The following RBMS3 variants were observed in gnomAD, a reference collection of about 807,000 sequenced individuals.
RBMS3 encodes the protein RNA-binding motif, single-stranded-interacting protein 3.
In RBMS3, 27 loss-of-function variants were observed where a neutral mutation model predicts 66.8. The ratio of observed to expected loss-of-function variants is 0.40; its 90% CI spans 0.30 to 0.56. RBMS3 has a LOEUF of 0.56. Among genes scored for constraint, RBMS3 ranks in the 20% least tolerant of loss-of-function variants. The pLI, the probability that RBMS3 is intolerant of heterozygous loss-of-function variation, is 0.40. For synonymous variants in RBMS3, 188 were observed against 183.0 expected (o/e 1.03, Z -0.22); for missense variants, 513 against 549.5 (o/e 0.93, Z 0.66).
rs116354415 is a variant in RBMS3, at chr3:29,665,022, A to G, written c.400-74698A>G. ...GGAAGAATAGAAGAACTTATGAAGA[A>G]TAATGTTTAGTGAAAATAACATTCT... On this transcript the variant is annotated intron_variant, in intron 4 of 14. Transcript: ENST00000383767. Among the ~76,000 whole-genome samples, 424 of 152,332 alleles carry G rather than the reference A, an allele frequency of 2.8e-3. 3 individuals carry two copies. The highest frequency in any genetic ancestry group is 1.0e-2 in the African/African-American group (414 of 41,586).
intron 1 of RBMS3, among the ~76,000 whole-genome samples, chr3:29,327,492 T>G (rs904127230): frequency 2.6e-5 from 4 of 152,206 alleles, no homozygotes; most frequent in Admixed American, 2.0e-4. Context: ...TCTCCCTTCC[T>G]CCTTTTCCTC....
At chr3:29,874,564 G>A (rs1559758831) in intron 7 of RBMS3, among the ~76,000 whole-genome samples, 1 of 152,124 alleles carries the variant, frequency 6.6e-6, no homozygotes, top group Non-Finnish European at 1.5e-5. Flanking sequence ...AACTGAAGGA[G>A]ATTATTTACA....
chr3:29,747,407 TAGATA>T (rs1327032940), intron 5 of RBMS3, among the ~76,000 whole-genome samples: 1 of 121,220 alleles, frequency 8.2e-6, no homozygotes, highest in Non-Finnish European at 1.8e-5. Context: ...GATAGATAGA[TAGATA>T]GATAGATAGA....
intron 14 of RBMS3, among the ~76,000 whole-genome samples, chr3:30,001,668 T>C (rs555162403): frequency 6.6e-6 from 1 of 152,020 alleles, no homozygotes; most frequent in Non-Finnish European, 1.5e-5. Context: ...CTATGTATTA[T>C]AATATATTGT....
In RBMS3 at chr3:29,281,696, G is replaced by C. The variant is rs1167417814; in HGVS notation, c.15G>C (p.Leu5=). 1 of 1,613,408 alleles carries C rather than the reference G, an allele frequency of 6.2e-7. No individual in the cohort carries two copies. The highest frequency in any genetic ancestry group is 1.3e-5 in the African/African-American group (1 of 74,960). ...ATTCCAGCTACATGGGCAAACGCCT[G>C]GATCAGCCACAAATGTACCCCCAGT... MGKR[L]DQPQMYPQYT... is the part of the protein sequence containing the mutation. The change falls in exon 1 of 15, where the codon CTG becomes CTC. Residue 5 remains leucine, a synonymous_variant. Transcript: ENST00000383767.
In RBMS3 at chr3:29,623,181, G is replaced by T. The variant is rs543443777; in HGVS notation, c.399+35976G>T. Among the ~76,000 whole-genome samples the T allele has an allele frequency of 7.7e-4, 97 of 125,550 alleles. 1 individual carries two copies. The South Asian group carries it at 9.6e-3, about 12-fold the overall frequency. 82.4% of individuals were successfully genotyped at this position (125,550 alleles called of 152,430 possible). ...GGGATTAAATTAACTTGGGGGGGGG[G>T]GTCTAAATTATTATTAATAGCGTAT... is the stretch of plus-strand genomic sequence containing the variant. On this transcript the variant is annotated intron_variant, in intron 4 of 14. Transcript: ENST00000383767.
intron 12 of RBMS3, among the ~76,000 whole-genome samples, chr3:29,953,414 T>C (rs553108904): frequency 2.6e-5 from 4 of 152,050 alleles, no homozygotes; most frequent in African/African-American, 7.2e-5. Flanking sequence ...TCTTCGAAAA[T>C]TGTTTAGTTG....
At chr3:29,388,690 C>T (rs957667116) in intron 1 of RBMS3, among the ~76,000 whole-genome samples, 12 of 152,112 alleles carry the variant, frequency 7.9e-5, no homozygotes, top group Admixed American at 5.9e-4. Context: ...CTCAGCCTCC[C>T]GAGTAGCTGG....
chr3:29,555,821 G>C (rs1414000508), intron 3 of RBMS3, among the ~76,000 whole-genome samples: 6 of 152,048 alleles, frequency 3.9e-5, no homozygotes, highest in Non-Finnish European at 1.5e-5. Context: ...TATCACTTAG[G>C]TTTCATAATC....
chr3:29,506,091 C>T (rs1321028655), intron 3 of RBMS3, among the ~76,000 whole-genome samples: 2 of 151,676 alleles, frequency 1.3e-5, no homozygotes, highest in African/African-American at 2.4e-5. Flanking sequence ...TAATTGTTCT[C>T]GCTAGGGGAC....
chr3:29,532,790 T>C (rs987060085), intron 3 of RBMS3, among the ~76,000 whole-genome samples: 2 of 152,072 alleles, frequency 1.3e-5, no homozygotes, highest in Non-Finnish European at 2.9e-5. Flanking sequence ...AAATCATTAG[T>C]GCAAAGCAAC....
intron 4 of RBMS3, among the ~76,000 whole-genome samples, chr3:29,632,844 C>A (rs2049335581): frequency 6.6e-6 from 1 of 151,862 alleles, no homozygotes; most frequent in African/African-American, 2.4e-5. Flanking sequence ...CCCTGCAGAT[C>A]CTTCCTCTGC....
At position 29,281,423 on chromosome 3, in the gene RBMS3, G is replaced by C; in HGVS notation, c.-259G>C. On this transcript the variant is annotated 5_prime_UTR_variant, in exon 1 of 15. Transcript: ENST00000383767. ...CCGGCAGCTGGGGGAAGCCAGGCAA[G>C]ATCTGGGAAGGCTGTGTGTGGGTGT... 1 of 508,100 alleles carries C rather than the reference G, an allele frequency of 2.0e-6. No homozygotes were observed. Among genetic ancestry groups the C allele is most frequent in the South Asian group, 2.7e-5 (1 of 36,632 alleles). 31.5% of individuals were successfully genotyped at this position (508,100 alleles called of 1,614,324 possible). A position where few individuals can be genotyped will look rare whatever the true frequency, so the allele number is the denominator to read the frequency against.
At chr3:29,577,148 C>A (rs2047148404) in intron 3 of RBMS3, among the ~76,000 whole-genome samples, 2 of 152,180 alleles carry the variant, frequency 1.3e-5, no homozygotes, top group African/African-American at 4.8e-5. Flanking sequence ...TAGGTCCTTC[C>A]CTTCAATGCA....
intron 1 of RBMS3, among the ~76,000 whole-genome samples, chr3:29,296,171 T>C (rs2125436174): frequency 6.6e-6 from 1 of 151,912 alleles, no homozygotes; most frequent in South Asian, 2.1e-4. Context: ...TGGGGGCTGC[T>C]CTTTTGTGAA....
intron 10 of RBMS3, among the ~76,000 whole-genome samples, chr3:29,920,853 CAAAAAA>C (rs10576471): frequency 6.1e-5 from 6 of 98,024 alleles, no homozygotes; most frequent in African/African-American, 1.8e-4. Context: ...CACGTGGTCT[CAAAAAA>C]AAAAAAAAAA....
intron 6 of RBMS3, among the ~76,000 whole-genome samples, chr3:29,801,378 C>T (rs1422480752): frequency 6.6e-6 from 1 of 151,170 alleles, no homozygotes; most frequent in Admixed American, 6.6e-5. Context: ...AGCGATTCTC[C>T]TGCCTCAGCC....
chr3:29,770,026 C>T (rs2056127461), intron 6 of RBMS3, among the ~76,000 whole-genome samples: 1 of 151,876 alleles, frequency 6.6e-6, no homozygotes, highest in Non-Finnish European at 1.5e-5. Flanking sequence ...GACTGCTTTT[C>T]AAGGTGTATA....
chr3:29,303,020 G>A (rs2033783237), intron 1 of RBMS3, among the ~76,000 whole-genome samples: 1 of 151,982 alleles, frequency 6.6e-6, no homozygotes, highest in Non-Finnish European at 1.5e-5. Flanking sequence ...TGATCTCAGT[G>A]TGTGCTAAAA....
Sources: gnomAD v4.1 joint callset for allele counts (sites outside exome capture counted in the v4.1 genomes callset) on GRCh38, gnomAD v4.1.1 for gene constraint, MANE v1.5 for transcripts, NCBI Gene and HGNC (gene_info 2026-07-23, HGNC 2026-07-21) for gene names.